Variants in GDA observed in about 807,000 individuals in gnomAD.
GDA encodes the protein guanine deaminase, also known as cytoplasmic PSD-95 interactor.
In GDA, 18 loss-of-function variants were observed where a neutral mutation model predicts 59.6. That is an observed-to-expected ratio of 0.30 (90% CI 0.21 to 0.45). The LOEUF (loss-of-function observed/expected upper bound fraction) is 0.45. Among genes scored for constraint, GDA ranks in the 20% least tolerant of loss-of-function variants. The probability of loss-of-function intolerance (pLI) is 1.00; values close to 1 mark genes in which losing one functional copy is unlikely to be tolerated. For synonymous variants in GDA, 201 were observed against 201.1 expected, an observed-to-expected ratio of 1.00 and a Z score of 0.00; for missense variants, 427 against 552.3, an observed-to-expected ratio of 0.77 and a Z score of 2.27.
At chr9:72,161,212 C>G (rs1828595195) in intron 1 of GDA, among the ~76,000 whole-genome samples, 1 of 152,044 alleles carries the variant, frequency 6.6e-6, no homozygotes, top group Admixed American at 6.6e-5. Flanking sequence ...CGGCCTGTGT[C>G]CTACTTTCTA....
chr9:72,175,951 C>G (rs886794909), intron 1 of GDA, among the ~76,000 whole-genome samples: 3 of 152,126 alleles, frequency 2.0e-5, no homozygotes, highest in Non-Finnish European at 4.4e-5. Context: ...TATTTGTTAG[C>G]TATTGCTGTA....
intron 1 of GDA, among the ~76,000 whole-genome samples, chr9:72,171,952 T>C (rs1830020215): frequency 6.6e-6 from 1 of 152,156 alleles, no homozygotes; most frequent in Non-Finnish European, 1.5e-5. Context: ...GAAATTGAGG[T>C]GCAATGCGAT....
At chr9:72,164,859 G>A (rs561913724) in intron 1 of GDA, among the ~76,000 whole-genome samples, 6 of 151,916 alleles carry the variant, frequency 3.9e-5, no homozygotes, top group East Asian at 3.9e-4. Context: ...GCGTGGTGGC[G>A]GGCGCCTGTA....
chr9:72,253,879 C>G (rs1398363102), downstream of GDA, among the ~76,000 whole-genome samples: 2 of 152,086 alleles, frequency 1.3e-5, no homozygotes, highest in Non-Finnish European at 2.9e-5. Context: ...GGGTGCAGCA[C>G]ACCAGCATGT....
intron 1 of GDA, among the ~76,000 whole-genome samples, chr9:72,194,768 T>C (rs1360506579): frequency 6.6e-6 from 1 of 152,224 alleles, no homozygotes; most frequent in Non-Finnish European, 1.5e-5. Flanking sequence ...TTTAGCCCAC[T>C]GTAGTCTGTG....
intron 1 of GDA, among the ~76,000 whole-genome samples, chr9:72,121,957 G>T (rs1825677452): frequency 6.6e-6 from 1 of 152,068 alleles, no homozygotes; most frequent in Non-Finnish European, 1.5e-5. Context: ...ATACCACTTT[G>T]CTAGTTTTTC....
intron 1 of GDA, among the ~76,000 whole-genome samples, chr9:72,143,098 T>C (rs998492445): frequency 6.7e-6 from 1 of 149,578 alleles, no homozygotes; most frequent in Non-Finnish European, 1.5e-5. Context: ...TGTTGGAGCA[T>C]AAATGTACAC....
At chr9:72,159,617 C>T (rs1828358729) in intron 1 of GDA, among the ~76,000 whole-genome samples, 1 of 152,100 alleles carries the variant, frequency 6.6e-6, no homozygotes, top group African/African-American at 2.4e-5. Flanking sequence ...CAAGATTCTC[C>T]AGAAGCTTAA....
At chr9:72,119,955 A>G (rs1825606095) in intron 1 of GDA, among the ~76,000 whole-genome samples, 1 of 152,216 alleles carries the variant, frequency 6.6e-6, no homozygotes, top group Non-Finnish European at 1.5e-5. Context: ...TTGTGGAACC[A>G]CATCTCTTAG....
chr9:72,234,153 T>C (rs140696824), intron 10 of GDA, among the ~76,000 whole-genome samples: 72 of 152,102 alleles, frequency 4.7e-4, no homozygotes, highest in African/African-American at 1.7e-3. Flanking sequence ...TGTGTGGGCT[T>C]AAAGAGCACA....
chr9:72,257,243 G>A, downstream of GDA: 1 of 152,310 alleles, frequency 6.6e-6, no homozygotes, highest in Non-Finnish European at 1.5e-5. Flanking sequence ...GTGACTCCCT[G>A]ATTCCCACGA....
chr9:72,134,481 A>C (rs951821532), intron 1 of GDA, among the ~76,000 whole-genome samples: 2 of 149,422 alleles, frequency 1.3e-5, no homozygotes, highest in African/African-American at 5.0e-5. Context: ...GGCTCACTGC[A>C]ACCTCTGCCT....
chr9:72,200,516 A>C (rs1381129787), intron 2 of GDA, among the ~76,000 whole-genome samples: 3 of 150,586 alleles, frequency 2.0e-5, no homozygotes, highest in African/African-American at 7.3e-5. Flanking sequence ...CAACTAGATT[A>C]TAAAGTCTTT....
At chr9:72,199,812 G>A (rs556261556) in intron 2 of GDA, among the ~76,000 whole-genome samples, 6 of 151,916 alleles carry the variant, frequency 3.9e-5, no homozygotes, top group African/African-American at 1.2e-4. Context: ...CTCTGTCCTG[G>A]GTTCCCTCTA....
chr9:72,208,714 A>G (rs1271350284), intron 3 of GDA, among the ~76,000 whole-genome samples: 2 of 152,204 alleles, frequency 1.3e-5, no homozygotes, highest in African/African-American at 2.4e-5. Flanking sequence ...TCATATTTCT[A>G]TGCTACCTTC....
chr9:72,176,846 G>A (rs928017470), intron 1 of GDA, among the ~76,000 whole-genome samples: 2 of 152,078 alleles, frequency 1.3e-5, no homozygotes, highest in African/African-American at 4.8e-5. Context: ...TTCCTCTCGT[G>A]TTTTAATTCC....
At position 72,149,675 on chromosome 9, in the gene GDA, G is replaced by A. The variant is rs914086988; in HGVS notation, c.116G>A (p.Ser39Asn). The change falls in exon 1 of 14, where the codon AGC becomes AAC. Residue 39 changes from serine (S) to asparagine (N), a missense_variant. Ser to Asn is a conservative substitution (Grantham distance 46). Transcript: ENST00000358399. ...GATCACCTCCTCGGCGTGAGCGACA[G>A]CGGCAAAGTAAGCAGGCGCGGGGTC... is the stretch of plus-strand genomic sequence containing the variant. ...LRDHLLGVSD[S>N]GKIVFLEEAS... 5 of 1,599,810 alleles carry A rather than the reference G, an allele frequency of 3.1e-6. No individual in the cohort carries two copies. In the African/African-American group the frequency reaches 5.5e-5, roughly 18 times the overall value.
chr9:72,246,167 G>T (rs919621882), intron 12 of GDA, among the ~76,000 whole-genome samples: 1 of 152,142 alleles, frequency 6.6e-6, no homozygotes, highest in Non-Finnish European at 1.5e-5. Flanking sequence ...ATTTTTTTGA[G>T]ACGGAGTTTT....
intron 3 of GDA, 124 bp downstream of exon 3, chr9:72,202,866 T>C: frequency 2.8e-6 from 2 of 720,906 alleles, no homozygotes; most frequent in East Asian, 2.7e-5. Flanking sequence ...AGAGAATTTT[T>C]AAGTTTCTTT....
Sources: gnomAD v4.1 joint callset for allele counts (sites outside exome capture counted in the v4.1 genomes callset) on GRCh38, gnomAD v4.1.1 for gene constraint, MANE v1.5 for transcripts, NCBI Gene and HGNC (gene_info 2026-07-23, HGNC 2026-07-21) for gene names.